Variants in ABCA13 observed in about 807,000 individuals in gnomAD.
ABCA13 encodes ATP binding cassette subfamily A member 13.
In ABCA13, 476 loss-of-function variants were observed where a neutral mutation model predicts 478.7. The observed-to-expected ratio is 0.99, with a 90% CI of 0.92 to 1.07. ABCA13 has a LOEUF of 1.07. Among genes scored for constraint, ABCA13 ranks in the 50% least tolerant of loss-of-function variants. The pLI, the probability that ABCA13 is intolerant of heterozygous loss-of-function variation, is 0.00. For synonymous variants in ABCA13, 2,252 were observed against 2,158.9 expected, an observed-to-expected ratio of 1.04 and a Z score of -1.20; for missense variants, 6,060 against 5,910.6, an observed-to-expected ratio of 1.03 and a Z score of -0.83.
intron 56 of ABCA13, among the ~76,000 whole-genome samples, chr7:48,583,406 T>C (rs1174901693): frequency 1.3e-5 from 2 of 152,164 alleles, no homozygotes; most frequent in African/African-American, 4.8e-5. Context: ...CTCACAGAAA[T>C]GTTGACCTGG....
At chr7:48,342,322 T>G (rs1190897155) in intron 29 of ABCA13, among the ~76,000 whole-genome samples, 1 of 152,154 alleles carries the variant, frequency 6.6e-6, no homozygotes, top group Non-Finnish European at 1.5e-5. Context: ...TTCCATCAGC[T>G]CTTAAGAGGT....
intron 16 of ABCA13, 24 bp downstream of exon 16, chr7:48,269,118 T>C: frequency 4.7e-6 from 6 of 1,280,194 alleles, no homozygotes; most frequent in Non-Finnish European, 6.8e-6. Flanking sequence ...ATCCAACTTC[T>C]AGGTCTTGAT....
chr7:48,606,607 T>C (rs868363999), intron 58 of ABCA13, among the ~76,000 whole-genome samples: 1 of 152,160 alleles, frequency 6.6e-6, no homozygotes, highest in Middle Eastern at 3.2e-3. Context: ...GAGGGTCACC[T>C]ACCAAATACC....
chr7:48,193,875 GATA>G (rs1797490495), intron 2 of ABCA13, among the ~76,000 whole-genome samples: 1 of 147,018 alleles, frequency 6.8e-6, no homozygotes, highest in African/African-American at 2.5e-5. Flanking sequence ...TTATGATGGA[GATA>G]ATAACCGTGA....
At position 48,275,805 on chromosome 7, in the gene ABCA13, GA is replaced by G. The variant is rs775850025; in HGVS notation, c.6145del (p.Ser2049ValfsTer18). 2 of 1,612,102 alleles carry G rather than the reference GA, an allele frequency of 1.2e-6. No individual in the cohort carries two copies. The highest frequency in any genetic ancestry group is 1.7e-6 in the Non-Finnish European group (2 of 1,179,162). ...TTTAGAAGCATTATCAAGTTTTATT[GA>G]AAAAAGTGAAACACCTTACAACTTT... ...SSLEALSSFIEKSETPYNFEE... is the reference protein window; with the variant it reads ...SSLEALSSFIXKSETPYNFEE... On this transcript the variant is annotated frameshift_variant, in exon 17 of 62. Transcript: ENST00000435803. LOFTEE classifies it high-confidence loss of function.
At position 48,249,205 on chromosome 7, in the gene ABCA13, A is replaced by T. The variant is rs768681245; in HGVS notation, c.1866-7A>T. 1.3e-6 allele frequency: 2 copies of T among 1,592,166 alleles called. No individual in the cohort carries two copies. Among genetic ancestry groups the T allele is most frequent in the East Asian group, 4.5e-5 (2 of 44,552 alleles). Reference sequence around the variant, plus strand: ...TTTAATTTTCTCTGGATTCTTTTTGATTGCAGGATATTTCATACACTTGAA... The same window carrying T: ...TTTAATTTTCTCTGGATTCTTTTTGTTTGCAGGATATTTCATACACTTGAA... On this transcript the variant is annotated splice_region_variant and splice_polypyrimidine_tract_variant and intron_variant, in intron 14 of 61. Coordinates refer to ENST00000435803, the MANE Select transcript of ABCA13 (RefSeq NM_152701.5).
At chr7:48,359,116 C>A (rs1810416970) in intron 31 of ABCA13, among the ~76,000 whole-genome samples, 1 of 151,968 alleles carries the variant, frequency 6.6e-6, no homozygotes, top group African/African-American at 2.4e-5. Context: ...GCTGTCTGCC[C>A]AGTGCATTGG....
intron 52 of ABCA13, among the ~76,000 whole-genome samples, chr7:48,519,018 TG>T (rs1304318738): frequency 2.0e-5 from 3 of 151,828 alleles, no homozygotes; most frequent in African/African-American, 7.3e-5. Flanking sequence ...CTTGTGTTCA[TG>T]CGTTCTCATT....
At chr7:48,271,319 G>T (rs954861932) in intron 16 of ABCA13, among the ~76,000 whole-genome samples, 3 of 142,676 alleles carry the variant, frequency 2.1e-5, no homozygotes, top group Non-Finnish European at 3.0e-5. Context: ...ACAGTAGGAT[G>T]TATATAGTAT....
chr7:48,245,940 C>T lies in ABCA13; in HGVS notation c.1569C>T (p.Ser523=). Reference sequence around the variant, plus strand: ...TCTTTTTGCCGCCTGGAAACTCCAGCATATGGGGTGGTCTCCAGGGACTGT... The same window carrying T: ...TCTTTTTGCCGCCTGGAAACTCCAGTATATGGGGTGGTCTCCAGGGACTGT... The part of the protein sequence containing the change: ...KEVFLPPGNS[S]IWGGLQGLLC... Residue 523 remains serine (S), a synonymous_variant, in exon 13 of 62, where the codon AGC becomes AGT. Transcript: ENST00000435803. 1 of 1,613,824 alleles carries T rather than the reference C, an allele frequency of 6.2e-7. No homozygotes were observed. Among genetic ancestry groups the T allele is most frequent in the South Asian group, 1.1e-5 (1 of 91,056 alleles).
intron 55 of ABCA13, among the ~76,000 whole-genome samples, chr7:48,567,206 G>A (rs1398224675): frequency 6.6e-6 from 1 of 152,120 alleles, no homozygotes; most frequent in Non-Finnish European, 1.5e-5. Flanking sequence ...TGGATGACGG[G>A]TTGCTTTGAA....
Position 48,335,544 on chromosome 7 carries a change from T to A in ABCA13, c.10113+9T>A, listed in dbSNP as rs1394428110. ...TGTTCAACCAGCTGCAGGTGAGTGG[T>A]TGGTCTTTGCCACCGAGGGATGGGG... On this transcript the variant is annotated intron_variant, in intron 28 of 61. Coordinates refer to ENST00000435803, the MANE Select transcript of ABCA13 (RefSeq NM_152701.5). 6.2e-7 allele frequency: 1 copy of A among 1,610,974 alleles called. No homozygotes were observed. Among genetic ancestry groups the A allele is most frequent in the South Asian group, 1.1e-5 (1 of 90,880 alleles).
At chr7:48,585,843 T>C (rs1463828867) in intron 56 of ABCA13, among the ~76,000 whole-genome samples, 52 of 152,158 alleles carry the variant, frequency 3.4e-4, no homozygotes, top group Admixed American at 3.0e-3. Context: ...TTAAATAAAA[T>C]TGTTTGGAAA....
intron 31 of ABCA13, among the ~76,000 whole-genome samples, chr7:48,361,430 G>C (rs1281601945): frequency 6.6e-6 from 1 of 151,362 alleles, no homozygotes; most frequent in Non-Finnish European, 1.5e-5. Context: ...TTCATGATGT[G>C]CAAGTTATTT....
chr7:48,197,106 G>A (rs1432800857), intron 2 of ABCA13, among the ~76,000 whole-genome samples: 3 of 152,180 alleles, frequency 2.0e-5, no homozygotes, highest in Non-Finnish European at 4.4e-5. Context: ...GTTTGTGCTG[G>A]TGAAGTTAGG....
chr7:48,172,837 T>TAAAAAA (rs1794330987), intron 1 of ABCA13, among the ~76,000 whole-genome samples: 1 of 123,092 alleles, frequency 8.1e-6, no homozygotes, highest in African/African-American at 3.3e-5. Context: ...AAAAAAAAAG[T>TAAAAAA]TTTAAGTTCA....
At chr7:48,438,820 C>A (rs1050938923) in intron 42 of ABCA13, among the ~76,000 whole-genome samples, 4 of 151,534 alleles carry the variant, frequency 2.6e-5, no homozygotes, top group South Asian at 2.1e-4. Flanking sequence ...AAATATCCAA[C>A]TTTGTTGCTA....
At chr7:48,569,007 TG>T (rs1375254959) in intron 55 of ABCA13, among the ~76,000 whole-genome samples, 2 of 152,150 alleles carry the variant, frequency 1.3e-5, no homozygotes, top group African/African-American at 4.8e-5. Context: ...TTAATATTCT[TG>T]TTCCCTTTTG....
At chr7:48,200,311 G>C (rs1361462972) in intron 3 of ABCA13, among the ~76,000 whole-genome samples, 16 of 152,204 alleles carry the variant, frequency 1.1e-4, no homozygotes, top group African/African-American at 3.6e-4. Flanking sequence ...AAGTCGCAGT[G>C]AGCCAAGATT....
Sources: allele counts gnomAD v4.1 joint callset (sites outside exome capture counted in the v4.1 genomes callset), GRCh38; gene constraint gnomAD v4.1.1; transcripts MANE v1.5; gene names NCBI Gene and HGNC (gene_info 2026-07-23, HGNC 2026-07-21).